The following GPR176 variants were observed in gnomAD, a reference collection of about 807,000 sequenced individuals.
GPR176 encodes G-protein coupled receptor 176.
In GPR176, 26 loss-of-function variants were observed where a neutral mutation model predicts 35.4. The observed-to-expected ratio is 0.74, with a 90% CI of 0.54 to 1.02. The LOEUF is 1.02. Ranked by LOEUF, GPR176 falls within the 50% of genes least tolerant of loss-of-function variation. GPR176 has a pLI of 0.00. For synonymous variants in GPR176, 278 were observed against 271.3 expected, an observed-to-expected ratio of 1.02 and a Z score of -0.24; for missense variants, 597 against 665.3, an observed-to-expected ratio of 0.90 and a Z score of 1.13.
intron 1 of GPR176, among the ~76,000 whole-genome samples, chr15:39,847,504 G>C (rs1242586082): frequency 6.6e-6 from 1 of 152,048 alleles, no homozygotes; most frequent in Non-Finnish European, 1.5e-5. Context: ...CCAGCACTTT[G>C]GGAGGCCAAG....
intron 1 of GPR176, among the ~76,000 whole-genome samples, chr15:39,842,398 A>G (rs2030070917): frequency 6.6e-6 from 1 of 152,108 alleles, no homozygotes; most frequent in Admixed American, 6.6e-5. Context: ...AAACCACCCC[A>G]TGATCCAATC....
chr15:39,824,118 C>A (rs981555889), intron 1 of GPR176, among the ~76,000 whole-genome samples: 5 of 152,170 alleles, frequency 3.3e-5, no homozygotes, highest in African/African-American at 1.2e-4. Context: ...TTAAAAGAGC[C>A]TGGCACTTCC....
intron 1 of GPR176, among the ~76,000 whole-genome samples, chr15:39,912,652 C>A (rs868836983): frequency 1.3e-5 from 2 of 149,578 alleles, no homozygotes; most frequent in African/African-American, 2.5e-5. Flanking sequence ...AAGGAAAAAA[C>A]AACCTTTCAC....
At chr15:39,842,601 T>C (rs1033361348) in intron 1 of GPR176, among the ~76,000 whole-genome samples, 1 of 151,824 alleles carries the variant, frequency 6.6e-6, no homozygotes, top group African/African-American at 2.4e-5. Context: ...CCAAAAGGGG[T>C]CCCTTCCCCT....
At position 39,802,255 on chromosome 15, in the gene GPR176, C is replaced by T; in HGVS notation, c.426-1G>A. 1 of 1,566,758 alleles carries T rather than the reference C, an allele frequency of 6.4e-7. No individual in the cohort carries two copies. The highest frequency in any genetic ancestry group is 1.7e-4 in the Middle Eastern group (1 of 5,838). ...CAGTGGATAGAGGACTGAGTAGTAC[C>T]TGCAAGATACACAAACAAAATTAAT... On this transcript the variant is annotated splice_acceptor_variant, in intron 2 of 2. Transcript: ENST00000561100. LOFTEE classifies it high-confidence loss of function.
intron 1 of GPR176, among the ~76,000 whole-genome samples, chr15:39,858,445 G>A (rs1172364972): frequency 6.6e-6 from 1 of 152,184 alleles, no homozygotes; most frequent in Admixed American, 6.5e-5. Context: ...GCTGGGCAGA[G>A]CAGCTCATGC....
chr15:39,822,182 C>A (rs1439059607), intron 1 of GPR176, among the ~76,000 whole-genome samples: 1 of 152,238 alleles, frequency 6.6e-6, no homozygotes, highest in East Asian at 1.9e-4. Flanking sequence ...TGGCCAACAT[C>A]TTGATGCAAC....
At chr15:39,857,450 G>C (rs1456505661) in intron 1 of GPR176, among the ~76,000 whole-genome samples, 2 of 152,166 alleles carry the variant, frequency 1.3e-5, no homozygotes, top group Non-Finnish European at 2.9e-5. Flanking sequence ...GTTGAGGACT[G>C]CTTGAGCCCA....
At chr15:39,857,326 T>TA (rs1187542939) in intron 1 of GPR176, among the ~76,000 whole-genome samples, 1 of 151,694 alleles carries the variant, frequency 6.6e-6, no homozygotes, top group East Asian at 1.9e-4. Context: ...AATGACACAA[T>TA]AAAAAATAAT....
At chr15:39,879,789 C>T (rs1267178826) in intron 1 of GPR176, among the ~76,000 whole-genome samples, 1 of 152,168 alleles carries the variant, frequency 6.6e-6, no homozygotes, top group African/African-American at 2.4e-5. Context: ...ACACACTGCC[C>T]TTCTATATTT....
rs1899245428 is a variant in GPR176, at chr15:39,807,150, C to T, written c.281G>A (p.Cys94Tyr). ...GCTGAGGATGATGTCGAAGGGCACA[C>T]AGACCAGGCTGGCACAAATCCCCGA... ...ACSGICASLV[C>Y]VPFDIILSTS... The change falls in exon 2 of 3, where the codon TGT (cysteine) becomes TAT (tyrosine). Residue 94 changes from cysteine (C) to tyrosine (Y), a missense_variant. Around this residue, in one of 3 missense-constraint regions of GPR176, gnomAD observed 220 missense variants for 297.6 expected, o/e 0.74. Coordinates refer to ENST00000561100, the MANE Select transcript of GPR176 (RefSeq NM_007223.3). 1.2e-6 allele frequency: 2 copies of T among 1,614,060 alleles called. No individual in the cohort carries two copies. Among genetic ancestry groups the T allele is most frequent in the African/African-American group, 1.3e-5 (1 of 75,030 alleles).
chr15:39,890,770 A>G (rs772468917), intron 1 of GPR176, among the ~76,000 whole-genome samples: 2 of 152,176 alleles, frequency 1.3e-5, no homozygotes, highest in Non-Finnish European at 2.9e-5. Flanking sequence ...TCACCATCAG[A>G]GCCCAGTTAA....
chr15:39,912,514 A>G (rs923073547), intron 1 of GPR176, among the ~76,000 whole-genome samples: 4 of 151,026 alleles, frequency 2.6e-5, no homozygotes, highest in African/African-American at 9.7e-5. Context: ...AGCTACTTGG[A>G]GGCCGAGGTA....
intron 1 of GPR176, among the ~76,000 whole-genome samples, chr15:39,902,535 G>A (rs2033309948): frequency 6.6e-6 from 1 of 152,160 alleles, no homozygotes; most frequent in Non-Finnish European, 1.5e-5. Context: ...CTAAAGACTT[G>A]CAACCTTGGG....
At chr15:39,831,453 C>G (rs1439046096) in intron 1 of GPR176, among the ~76,000 whole-genome samples, 1 of 152,138 alleles carries the variant, frequency 6.6e-6, no homozygotes, top group Non-Finnish European at 1.5e-5. Context: ...GCCTCACAGA[C>G]ACCTCAAAGT....
intron 1 of GPR176, among the ~76,000 whole-genome samples, chr15:39,811,576 C>G (rs1350901970): frequency 6.6e-6 from 1 of 152,080 alleles, no homozygotes; most frequent in Non-Finnish European, 1.5e-5. Flanking sequence ...ATCCAAAATC[C>G]AAAATGCTTC....
chr15:39,914,569 C>T (rs2033676036), intron 1 of GPR176, among the ~76,000 whole-genome samples: 3 of 152,162 alleles, frequency 2.0e-5, no homozygotes, highest in African/African-American at 4.8e-5. Flanking sequence ...CTTGGCCTCC[C>T]AAAGTGCTGG....
At chr15:39,908,415 G>C (rs960285325) in intron 1 of GPR176, among the ~76,000 whole-genome samples, 7 of 152,156 alleles carry the variant, frequency 4.6e-5, no homozygotes, top group Non-Finnish European at 8.8e-5. Context: ...CCCTGAACTT[G>C]TTCATGCAAA....
intron 1 of GPR176, among the ~76,000 whole-genome samples, chr15:39,855,682 A>G (rs2031170177): frequency 6.6e-6 from 1 of 152,124 alleles, no homozygotes; most frequent in Non-Finnish European, 1.5e-5. Flanking sequence ...CTGTTTAGTA[A>G]CTCAGTTGAG....
Sources: gnomAD v4.1 joint callset for allele counts (sites outside exome capture counted in the v4.1 genomes callset) on GRCh38, gnomAD v4.1.1 for gene constraint, gnomAD v4.1.1 regional missense constraint, MANE v1.5 for transcripts, NCBI Gene and HGNC (gene_info 2026-07-23, HGNC 2026-07-21) for gene names.